The following ZNF20 variants were observed in gnomAD, a reference collection of about 807,000 sequenced individuals.
ZNF20 encodes the protein zinc finger protein KOX13.
Under a neutral mutation model 11.0 loss-of-function variants are expected in ZNF20, and 9 were observed. The ratio of observed to expected loss-of-function variants is 0.82; its 90% confidence interval spans 0.49 to 1.43. The LOEUF (loss-of-function observed/expected upper bound fraction) is 1.43, where lower values mean the gene tolerates loss of function less well. ZNF20 is among the 40% of genes most tolerant of loss of function. The pLI, the probability that ZNF20 is intolerant of heterozygous loss-of-function variation, is 0.00. For synonymous variants in ZNF20, 182 were observed against 213.0 expected (o/e 0.85, Z 1.27); for missense variants, 528 against 640.8 (o/e 0.82, Z 1.90).
At chr19:12,134,869 T>C (rs560149895) in intron 3 of ZNF20, among the ~76,000 whole-genome samples, 1 of 152,218 alleles carries the variant, frequency 6.6e-6, no homozygotes, top group African/African-American at 2.4e-5. Context: ...ATACTAAACA[T>C]GTGCGTCTTT....
At chr19:12,136,841 C>T (rs763348983) in intron 1 of ZNF20, 22 of 445,198 alleles carry the variant, frequency 4.9e-5, no homozygotes, top group Admixed American at 7.4e-5. Flanking sequence ...TGCAAGTGGT[C>T]CTCACTTACC....
chr19:12,138,064 G>A (rs1976740819), intron 1 of ZNF20, among the ~76,000 whole-genome samples: 1 of 152,120 alleles, frequency 6.6e-6, no homozygotes, highest in African/African-American at 2.4e-5. Context: ...GGGAGCTGTG[G>A]GCATTTTGGT....
intron 3 of ZNF20, among the ~76,000 whole-genome samples, chr19:12,135,072 G>A (rs1976688257): frequency 1.3e-5 from 2 of 151,858 alleles, no homozygotes; most frequent in Admixed American, 1.3e-4. Flanking sequence ...ATGTTTTTAG[G>A]AAAACTTTCT....
rs201676513 is a variant in ZNF20 at position 12,140,258 on chromosome 19, G to A, written c.-76C>T. 1.3e-3 allele frequency: 1,971 copies of A among 1,566,422 alleles called. 6 individuals are homozygous for A. Among genetic ancestry groups the A allele is most frequent in the Middle Eastern group, 6.8e-3 (41 of 6,014 alleles). ...TGCGGGTCACGGTGCAGGCGGCAGA[G>A]CGACAGAAGTTGTGGCAGAGGGACC... On this transcript the variant is annotated 5_prime_UTR_variant, in exon 1 of 4. Transcript: ENST00000334213.
In ZNF20 at chr19:12,140,187, C is replaced by T. The variant is rs1206406737; in HGVS notation, c.-5G>A. 13 of 1,604,008 alleles carry T rather than the reference C, an allele frequency of 8.1e-6. No individual in the cohort carries two copies. In the Middle Eastern group the frequency reaches 6.6e-4, roughly 81 times the overall value. ...CCGGCCCCATACACTCACCATTTCC[C>T]GGCTTCTGGGTGTCCCGGTGTCCTC... is the stretch of plus-strand genomic sequence containing the variant. On this transcript the variant is annotated 5_prime_UTR_variant, in exon 1 of 4. Transcript: ENST00000334213.
chr19:12,132,394 G>A lies in ZNF20; in HGVS notation c.*193C>T. The A allele has an allele frequency of 1.8e-6, 1 of 562,030 alleles. No individual in the cohort carries two copies. The highest frequency in any genetic ancestry group is 3.0e-6 in the Non-Finnish European group (1 of 334,796). The allele number at this position is 562,030 out of a possible 1,614,324, so 34.8% of individuals were successfully genotyped here. A position where few individuals can be genotyped will look rare whatever the true frequency, so the allele number is the denominator to read the frequency against. ...CTTTTCTGTGCCTTTGAAATCTCAT[G>A]CAAGATTGGCTATAGGTGAATTGTA... is the stretch of plus-strand genomic sequence containing the variant. On this transcript the variant is annotated 3_prime_UTR_variant, in exon 4 of 4. Transcript: ENST00000334213.
chr19:12,139,346 T>G lies in ZNF20; in HGVS notation c.3+834A>C, dbSNP rs1230902367. ...TCAGCCCCGCTTGCACACTGTGGAG[T>G]GTTAAATCCCTTCATTCCTTCCTTG... On this transcript the variant is annotated intron_variant, in intron 1 of 3. Coordinates refer to ENST00000334213, the MANE Select transcript of ZNF20 (RefSeq NM_021143.4). This position sits in a 1 kb window ranked among gnomAD's most constrained non-coding sequence, Gnocchi z 4.0. 1.3e-5 allele frequency among the ~76,000 whole-genome samples: 2 copies of G among 152,002 alleles called. No homozygotes were observed. The highest frequency in any genetic ancestry group is 2.9e-5 in the Non-Finnish European group (2 of 67,990).
intron 3 of ZNF20, among the ~76,000 whole-genome samples, chr19:12,134,746 T>A (rs1321177177): frequency 1.3e-5 from 2 of 152,232 alleles, no homozygotes; most frequent in Middle Eastern, 3.2e-3. Flanking sequence ...TCTGAATCAT[T>A]TGAATATTAA....
In ZNF20 at chr19:12,132,537, GAAGTGGGACAACAGA is replaced by G. The variant is rs1250667998; in HGVS notation, c.*35_*49del. ...CACTCTCTTTTCTTGTGTTTCAAAG[GAAGTGGGACAACAGA>G]AAGCTTCTCCCGTTGCTTCCACTAA... On this transcript the variant is annotated 3_prime_UTR_variant, in exon 4 of 4. Transcript: ENST00000334213. The G allele has an allele frequency of 2.0e-6, 3 of 1,509,536 alleles. No individual in the cohort carries two copies. The highest frequency in any genetic ancestry group is 2.7e-6 in the Non-Finnish European group (3 of 1,127,926). 93.5% of individuals were successfully genotyped at this position (1,509,536 alleles called of 1,614,324 possible).
intron 1 of ZNF20, 149 bp from the exon 2 acceptor site, chr19:12,136,053 TC>T: frequency 9.5e-7 from 1 of 1,052,106 alleles, no homozygotes; most frequent in Non-Finnish European, 1.3e-6. Context: ...ACTCACGTCC[TC>T]CCACAAACCA....
In ZNF20 at chr19:12,135,568, A is replaced by G. The variant is rs1976697378; in HGVS notation, c.140-8T>C. 6.8e-6 allele frequency: 11 copies of G among 1,612,478 alleles called. No homozygotes were observed. Among genetic ancestry groups the G allele is most frequent in the Non-Finnish European group, 9.3e-6 (11 of 1,179,558 alleles). On this transcript the variant is annotated splice_region_variant and splice_polypyrimidine_tract_variant and intron_variant, in intron 2 of 3. Transcript: ENST00000334213. Reference sequence around the variant, plus strand: ...GAACTTTCCATGTTTTTCCTAAAACACAGACCCGGAGAAAACACAGATCCA... The same window carrying G: ...GAACTTTCCATGTTTTTCCTAAAACGCAGACCCGGAGAAAACACAGATCCA...
Position 12,135,536 on chromosome 19 carries a change from A to T in ZNF20, c.164T>A (p.Ile55Asn). 1 of 1,613,692 alleles carries T rather than the reference A, an allele frequency of 6.2e-7. No individual in the cohort carries two copies. The highest frequency in any genetic ancestry group is 8.5e-7 in the Non-Finnish European group (1 of 1,179,828). The change falls in exon 3 of 4, where the codon ATT becomes AAT. Residue 55 changes from isoleucine to asparagine, a missense_variant. By Grantham distance (149) the Ile-to-Asn change is moderately radical. Transcript: ENST00000334213. Reference protein sequence around the residue: ...SVGKTWKVQNIEDEYKNPRRN... With the variant: ...SVGKTWKVQNNEDEYKNPRRN... ...CCTGGGATTTTTGTACTCATCTTCA[A>T]TGTTCTGAACTTTCCATGTTTTTCC...
intron 3 of ZNF20, among the ~76,000 whole-genome samples, chr19:12,135,202 C>A (rs969910181): frequency 6.7e-6 from 1 of 149,020 alleles, no homozygotes; most frequent in Non-Finnish European, 1.5e-5. Context: ...TGCAGTGGTG[C>A]GATCTCGGCT....
At position 12,132,717 on chromosome 19, in the gene ZNF20, G is replaced by T; in HGVS notation, c.1469C>A (p.Ser490Tyr). 6.2e-7 allele frequency: 1 copy of T among 1,613,684 alleles called. No homozygotes were observed. Among genetic ancestry groups the T allele is most frequent in the Non-Finnish European group, 8.5e-7 (1 of 1,179,914 alleles). ...ECKHCGKAFI[S>Y]NYIRYHERTH... The stretch of plus-strand genomic sequence containing the variant: ...CCTTTCATGATATCGAATGTAATTG[G>T]AAATAAAGGCCTTACCACAGTGCTT... The change falls in exon 4 of 4, where the codon TCC becomes TAC. Residue 490 changes from serine to tyrosine, a missense_variant. By Grantham distance (144) the Ser-to-Tyr change is moderately radical. Transcript: ENST00000334213.
In ZNF20 at chr19:12,133,001, A is replaced by G. The variant is rs771467949; in HGVS notation, c.1185T>C (p.His395=). The G allele has an allele frequency of 8.7e-6, 14 of 1,613,896 alleles. No homozygotes were observed. In the African/African-American group the frequency reaches 1.7e-4, roughly 20 times the overall value. ...HERTHSGEKP[H]ECKECGKVFK... is the part of the protein sequence containing the mutation. ...ATACTTTTCCACATTCCTTACATTCATGGGGTTTCTCTCCACTGTGCGTCC... is the reference window on the plus strand; with the variant it reads ...ATACTTTTCCACATTCCTTACATTCGTGGGGTTTCTCTCCACTGTGCGTCC... Residue 395 remains histidine (H), a synonymous_variant, in exon 4 of 4, where the codon CAT becomes CAC. Coordinates refer to ENST00000334213, the MANE Select transcript of ZNF20 (RefSeq NM_021143.4).
chr19:12,133,508 T>C lies in ZNF20; in HGVS notation c.678A>G (p.Pro226=), dbSNP rs373679101. The C allele has an allele frequency of 1.2e-6, 2 of 1,614,220 alleles. No homozygotes were observed. The highest frequency in any genetic ancestry group is 1.7e-6 in the Non-Finnish European group (2 of 1,180,042). ...IHERIHTGVK[P]YKCKQCGKAF... is the part of the protein sequence containing the mutation. The stretch of plus-strand genomic sequence containing the variant: ...CCTTACCACATTGTTTACACTTATA[T>C]GGTTTCACACCAGTGTGAATTCGTT... Residue 226 remains proline, a synonymous_variant, in exon 4 of 4, where the codon CCA becomes CCG. Transcript: ENST00000334213.
rs1456903081 is a variant in ZNF20 at position 12,131,731 on chromosome 19, T to C, written c.*856A>G. On this transcript the variant is annotated 3_prime_UTR_variant, in exon 4 of 4. Coordinates refer to ENST00000334213, the MANE Select transcript of ZNF20 (RefSeq NM_021143.4). ...GTAATGTAGCTTCTTCATTAAAAAA[T>C]AATAATTGTTAGTATGCAGTTGTTA... The C allele has an allele frequency of 6.6e-6, 1 of 152,214 alleles. No individual in the cohort carries two copies. The highest frequency in any genetic ancestry group is 2.4e-5 in the African/African-American group (1 of 41,456). 9.4% of individuals were successfully genotyped at this position (152,214 alleles called of 1,614,324 possible).
At chr19:12,138,378 G>A (rs576823036) in intron 1 of ZNF20, among the ~76,000 whole-genome samples, 7 of 150,774 alleles carry the variant, frequency 4.6e-5, no homozygotes, top group African/African-American at 1.2e-4. Context: ...CCTGGGAGGC[G>A]GAGGTTGCAG....
chr19:12,133,736 T>C lies in ZNF20; in HGVS notation c.450A>G (p.Lys150=). ...GAAAGGAGTCAAGATAACTGAAGGC[T>C]TTCTTACATTCCTTATTTCTATATG... ...ENPYRNKECK[K]AFSYLDSFQS... The change falls in exon 4 of 4, where the codon AAA becomes AAG. Residue 150 remains lysine, a synonymous_variant. Transcript: ENST00000334213. The C allele has an allele frequency of 6.2e-7, 1 of 1,614,208 alleles. No individual in the cohort carries two copies. Among genetic ancestry groups the C allele is most frequent in the Non-Finnish European group, 8.5e-7 (1 of 1,180,020 alleles).
Sources: gnomAD v4.1 joint callset for allele counts (sites outside exome capture counted in the v4.1 genomes callset) on GRCh38, gnomAD v4.1.1 for gene constraint, Gnocchi (gnomAD v3.1) non-coding constraint, MANE v1.5 for transcripts, NCBI Gene and HGNC (gene_info 2026-07-23, HGNC 2026-07-21) for gene names.